DAPK2: variants seen among roughly 807,000 people sequenced by gnomAD.
DAPK2 encodes death associated protein kinase 2.
A neutral mutation model predicts 44.1 loss-of-function variants in DAPK2; 35 were observed. That is an observed-to-expected ratio of 0.79 (90% CI 0.61 to 1.05). The LOEUF is 1.05. Ranked by LOEUF, DAPK2 falls within the 50% of genes least tolerant of loss-of-function variation. The pLI is 0.00. For synonymous variants in DAPK2, 174 were observed against 182.6 expected (o/e 0.95, Z 0.38); for missense variants, 453 against 483.2 (o/e 0.94, Z 0.59).
At chr15:64,015,607 GTAAT>G (rs1344705324) in intron 1 of DAPK2, among the ~76,000 whole-genome samples, 5 of 152,226 alleles carry the variant, frequency 3.3e-5, no homozygotes, top group African/African-American at 1.2e-4. Context: ...CTTTGCAGAT[GTAAT>G]TAATTTATGG....
Position 63,912,217 on chromosome 15 carries a change from A to T in DAPK2, c.859-20T>A, listed in dbSNP as rs534353075. ...CACCGGCTGAGAGACAAAGCAGAGC[A>T]TGGCAGCTGATGCTGGGCTTCAGAC... On this transcript the variant is annotated intron_variant, in intron 8 of 10. Coordinates refer to ENST00000261891, the Ensembl canonical transcript of DAPK2. This position sits in a 1 kb window ranked among gnomAD's most constrained non-coding sequence, Gnocchi z 4.4. 2 of 1,612,764 alleles carry T rather than the reference A, an allele frequency of 1.2e-6. No individual in the cohort carries two copies. The highest frequency in any genetic ancestry group is 1.7e-6 in the Non-Finnish European group (2 of 1,179,198).
chr15:63,915,882 G>C (rs1231543663), intron 8 of DAPK2, among the ~76,000 whole-genome samples: 1 of 152,220 alleles, frequency 6.6e-6, no homozygotes, highest in Non-Finnish European at 1.5e-5. Context: ...TTCTGCAGCA[G>C]AGGTGAAAAT....
intron 3 of DAPK2, among the ~76,000 whole-genome samples, chr15:63,941,015 GTGAATAAATTATA>G (rs2077293371): frequency 6.6e-6 from 1 of 152,150 alleles, no homozygotes; most frequent in Non-Finnish European, 1.5e-5. Flanking sequence ...TACACATTAA[GTGAATAAATTATA>G]TAGTATGTGA....
chr15:63,922,352 C>T, intron 8 of DAPK2: 1 of 1,005,828 alleles, frequency 9.9e-7, no homozygotes, highest in Non-Finnish European at 1.2e-6. Flanking sequence ...TCAAATATTA[C>T]CCAAGATCTA....
chr15:63,990,040 C>T lies in DAPK2; in HGVS notation c.93-6286G>A, dbSNP rs2078774743. Among the ~76,000 whole-genome samples the T allele has an allele frequency of 6.6e-6, 1 of 152,102 alleles. No individual in the cohort carries two copies. The highest frequency in any genetic ancestry group is 6.6e-5 in the Admixed American group (1 of 15,250). On this transcript the variant is annotated intron_variant, in intron 1 of 10. Coordinates refer to ENST00000261891, the Ensembl canonical transcript of DAPK2. The surrounding 1 kb of genome is among the most constrained non-coding windows in gnomAD (Gnocchi z 4.3). ...AAGGCAATATACCCCTTACGGCCTG[C>T]ATCAAGGTAGACCACTCGCACTGCC...
intron 10 of DAPK2, chr15:63,911,226 C>CAAAAAAAAAA (rs33985538): frequency 2.3e-5 from 3 of 131,034 alleles, no homozygotes; most frequent in Non-Finnish European, 4.7e-5. Context: ...TCTAAACAAA[C>CAAAAAAAAAA]AAAAAAAAAA....
At chr15:63,922,282 T>C in intron 8 of DAPK2, 1 of 992,226 alleles carries the variant, frequency 1.0e-6, no homozygotes, top group Non-Finnish European at 1.2e-6. Context: ...CTCTATGCAT[T>C]GTAAATCCCT....
At chr15:63,982,316 G>C (rs960478546) in intron 2 of DAPK2, among the ~76,000 whole-genome samples, 1 of 149,144 alleles carries the variant, frequency 6.7e-6, no homozygotes, top group Admixed American at 6.8e-5. Flanking sequence ...TCAGCCTCCC[G>C]AGTAGCTGGG....
chr15:63,913,057 G>T (rs773399730), intron 8 of DAPK2, among the ~76,000 whole-genome samples: 1 of 151,880 alleles, frequency 6.6e-6, no homozygotes, highest in Non-Finnish European at 1.5e-5. Flanking sequence ...TTTACAACAC[G>T]GATGAACCTT....
rs549640433 is a variant in DAPK2, at chr15:63,941,202, G to A, written c.454-1841C>T. Among the ~76,000 whole-genome samples the A allele has an allele frequency of 3.9e-5, 6 of 152,112 alleles. No homozygotes were observed. The East Asian group carries it at 1.2e-3, about 29-fold the overall frequency. On this transcript the variant is annotated intron_variant, in intron 3 of 10. Coordinates refer to ENST00000261891, the Ensembl canonical transcript of DAPK2. The stretch of plus-strand genomic sequence containing the variant: ...TCTCTGTCCATTGAAATCCTAGCTG[G>A]GCTTCAAAGTCTAACTCAACCCACT...
chr15:63,968,736 C>A (rs2078125629), intron 3 of DAPK2, among the ~76,000 whole-genome samples: 1 of 152,210 alleles, frequency 6.6e-6, no homozygotes, highest in Non-Finnish European at 1.5e-5. Context: ...TATCATGGTA[C>A]ATGGTAACTC....
upstream of DAPK2, chr15:64,046,390 G>GC: frequency 3.1e-6 from 1 of 325,828 alleles, no homozygotes; most frequent in Non-Finnish European, 4.4e-6. This position sits in a 1 kb window ranked among gnomAD's most constrained non-coding sequence, Gnocchi z 5.3. Context: ...GGCGCGGCGG[G>GC]AACGGGGGAC....
chr15:64,000,921 C>T (rs1407791143), intron 1 of DAPK2, among the ~76,000 whole-genome samples: 14 of 152,004 alleles, frequency 9.2e-5, no homozygotes, highest in Admixed American at 5.2e-4. Flanking sequence ...CTCTTGTCAC[C>T]GAGGCTGGAG....
At chr15:64,027,522 A>C (rs1595909264) in intron 1 of DAPK2, among the ~76,000 whole-genome samples, 1 of 152,186 alleles carries the variant, frequency 6.6e-6, no homozygotes, top group African/African-American at 2.4e-5. Context: ...TGATCACGCC[A>C]CTGCCCTCCA....
chr15:63,981,912 G>A (rs1211376702), intron 2 of DAPK2, among the ~76,000 whole-genome samples: 2 of 152,222 alleles, frequency 1.3e-5, no homozygotes, highest in Non-Finnish European at 2.9e-5. Flanking sequence ...GATAATTTAA[G>A]AATCAAATGC....
intron 3 of DAPK2, among the ~76,000 whole-genome samples, chr15:63,956,587 T>C (rs1001567799): frequency 1.3e-5 from 2 of 151,988 alleles, no homozygotes; most frequent in Admixed American, 1.3e-4. Context: ...GATTTCAATT[T>C]AAATTTTTTT....
At chr15:64,016,629 C>G (rs1028528468) in intron 1 of DAPK2, among the ~76,000 whole-genome samples, 3 of 152,024 alleles carry the variant, frequency 2.0e-5, no homozygotes, top group African/African-American at 7.2e-5. Context: ...CCTGTCTCTA[C>G]AAAATATTTA....
chr15:63,913,734 C>T (rs963814467), intron 8 of DAPK2, among the ~76,000 whole-genome samples: 3 of 152,248 alleles, frequency 2.0e-5, no homozygotes, highest in African/African-American at 7.2e-5. Flanking sequence ...GGAGGTCCAT[C>T]CCATGGCAGC....
chr15:63,962,128 T>C (rs2140643655), intron 3 of DAPK2, among the ~76,000 whole-genome samples: 1 of 152,356 alleles, frequency 6.6e-6, no homozygotes, highest in South Asian at 2.1e-4. Flanking sequence ...TTCCACTTGA[T>C]CAAATCAGCT....
Sources: allele counts gnomAD v4.1 joint callset (sites outside exome capture counted in the v4.1 genomes callset), GRCh38; gene constraint gnomAD v4.1.1; non-coding constraint Gnocchi (gnomAD v3.1); transcripts MANE v1.5; gene names NCBI Gene and HGNC (gene_info 2026-07-23, HGNC 2026-07-21).